STXBP5L: variants seen among roughly 807,000 people sequenced by gnomAD.
The protein encoded by STXBP5L is syntaxin binding protein 5L.
Under a neutral mutation model 144.5 loss-of-function variants are expected in STXBP5L, and 65 were observed. That is an observed-to-expected ratio of 0.45 (90% CI 0.37 to 0.55). The LOEUF is 0.55. Ranked by LOEUF, STXBP5L falls within the 20% of genes least tolerant of loss-of-function variation. STXBP5L has a pLI of 0.00. For synonymous variants in STXBP5L, 505 were observed against 469.6 expected (o/e 1.08, Z -0.97); for missense variants, 1,298 against 1,405.5 (o/e 0.92, Z 1.22).
At chr3:121,049,704 G>C (rs528287537) in intron 5 of STXBP5L, 3 of 154,258 alleles carry the variant, frequency 1.9e-5, no homozygotes, top group African/African-American at 7.2e-5. Context: ...GCAGGATAAG[G>C]TCTACTGGGC....
intron 9 of STXBP5L, among the ~76,000 whole-genome samples, chr3:121,180,733 G>T (rs1045493810): frequency 6.6e-6 from 1 of 152,130 alleles, no homozygotes; most frequent in East Asian, 1.9e-4. Context: ...AATTAGCTAG[G>T]CATGGTAGCT....
intron 7 of STXBP5L, among the ~76,000 whole-genome samples, chr3:121,135,597 A>C (rs938755261): frequency 2.0e-5 from 3 of 152,220 alleles, no homozygotes; most frequent in Non-Finnish European, 4.4e-5. Flanking sequence ...ACTTTACAGT[A>C]GGGTTCACAA....
chr3:121,100,676 T>C (rs1297241411), intron 5 of STXBP5L, among the ~76,000 whole-genome samples: 1 of 151,574 alleles, frequency 6.6e-6, no homozygotes, highest in Non-Finnish European at 1.5e-5. Flanking sequence ...TAACATCAAA[T>C]CTAGAGGAAG....
rs1373135012 is a variant in STXBP5L at position 121,352,210 on chromosome 3, A to G, written c.2177-26506A>G. ...ATGAACTTTAAAGTATTTTTTTCCA[A>G]TTCTGTGAAGAAAGTCATTGGTAGC... On this transcript the variant is annotated intron_variant, in intron 20 of 26. Transcript: ENST00000471454. Among the ~76,000 whole-genome samples the G allele has an allele frequency of 2.6e-5, 4 of 152,164 alleles. No homozygotes were observed. The East Asian group carries it at 5.8e-4, about 22-fold the overall frequency.
rs538965993 is a variant in STXBP5L at position 120,936,630 on chromosome 3, G to T, written c.190-18310G>T. Among the ~76,000 whole-genome samples the T allele has an allele frequency of 2.6e-3, 382 of 145,772 alleles. 1 individual carries two copies. The highest frequency in any genetic ancestry group is 4.7e-3 in the Non-Finnish European group (315 of 66,456). ...CTGATACATGCAGGTTTTTTTTTTT[G>T]ACAGAGTCTCGCTCTGTCTCCCAGG... On this transcript the variant is annotated intron_variant, in intron 2 of 26. Coordinates refer to ENST00000471454, the MANE Select transcript of STXBP5L (RefSeq NM_001308330.2).
At chr3:121,312,191 T>A (rs1224540570) in intron 19 of STXBP5L, among the ~76,000 whole-genome samples, 1 of 152,086 alleles carries the variant, frequency 6.6e-6, no homozygotes, top group Non-Finnish European at 1.5e-5. Context: ...TAAAAATTAA[T>A]TCAAGATGGA....
At chr3:121,303,935 G>A (rs971217692) in intron 19 of STXBP5L, among the ~76,000 whole-genome samples, 1 of 151,828 alleles carries the variant, frequency 6.6e-6, no homozygotes, top group African/African-American at 2.4e-5. Flanking sequence ...GTTAAATGAT[G>A]AGTTAATGGG....
intron 9 of STXBP5L, among the ~76,000 whole-genome samples, chr3:121,166,612 T>A (rs2046509756): frequency 1.3e-5 from 2 of 152,216 alleles, no homozygotes; most frequent in African/African-American, 4.8e-5. Context: ...ACTATTCTAA[T>A]GTCTGCATTT....
intron 7 of STXBP5L, among the ~76,000 whole-genome samples, chr3:121,149,648 G>C (rs1474522655): frequency 6.6e-6 from 1 of 151,686 alleles, no homozygotes; most frequent in Middle Eastern, 3.2e-3. Context: ...TCTAACTATA[G>C]AATTAATACC....
chr3:121,015,348 A>C (rs1945068479), intron 3 of STXBP5L, among the ~76,000 whole-genome samples: 1 of 152,166 alleles, frequency 6.6e-6, no homozygotes, highest in African/African-American at 2.4e-5. Context: ...TAAGATGTTG[A>C]TCAGTCTTAA....
chr3:121,069,856 T>C (rs1177780123), intron 5 of STXBP5L, among the ~76,000 whole-genome samples: 2 of 152,226 alleles, frequency 1.3e-5, no homozygotes, highest in East Asian at 3.9e-4. Flanking sequence ...AGACGATTTT[T>C]TCATTAAATA....
intron 3 of STXBP5L, among the ~76,000 whole-genome samples, chr3:121,016,618 A>T (rs188076353): frequency 1.9e-3 from 289 of 152,302 alleles, no homozygotes; most frequent in Non-Finnish European, 3.4e-3. Context: ...ACTGTGTGAC[A>T]GTTTCAAAAG....
At chr3:121,327,718 T>A (rs1271953313) in intron 20 of STXBP5L, among the ~76,000 whole-genome samples, 1 of 152,198 alleles carries the variant, frequency 6.6e-6, no homozygotes, top group Non-Finnish European at 1.5e-5. Flanking sequence ...TTCTACAGAT[T>A]TTCTTTCTTT....
intron 2 of STXBP5L, among the ~76,000 whole-genome samples, chr3:120,934,890 T>A (rs1044622218): frequency 2.6e-5 from 4 of 152,022 alleles, no homozygotes; most frequent in African/African-American, 9.7e-5. Flanking sequence ...TGTCTTTATA[T>A]TAAAGTGGGT....
intron 12 of STXBP5L, among the ~76,000 whole-genome samples, chr3:121,236,279 T>A (rs901904479): frequency 5.3e-5 from 8 of 152,142 alleles, no homozygotes; most frequent in Non-Finnish European, 8.8e-5. Flanking sequence ...TGCAAAAAAA[T>A]TTAAAAGTTT....
At chr3:121,318,317 A>C (rs1408097278) in intron 19 of STXBP5L, among the ~76,000 whole-genome samples, 158 bp from the exon 20 acceptor site, 3 of 151,992 alleles carry the variant, frequency 2.0e-5, no homozygotes, top group Admixed American at 1.3e-4. Flanking sequence ...AAAATTAATA[A>C]AAATATTTTT....
chr3:120,998,321 AC>A (rs977182462), intron 3 of STXBP5L, among the ~76,000 whole-genome samples: 34 of 152,146 alleles, frequency 2.2e-4, no homozygotes, highest in African/African-American at 7.7e-4. Flanking sequence ...ATGATTTTAT[AC>A]CCAGGAAACC....
chr3:121,122,879 A>G (rs2044533738), intron 7 of STXBP5L, among the ~76,000 whole-genome samples: 2 of 151,644 alleles, frequency 1.3e-5, no homozygotes, highest in African/African-American at 2.4e-5. Flanking sequence ...GTGGGAGGTA[A>G]TATTTCCTAC....
chr3:121,363,220 A>G (rs1166787850), intron 20 of STXBP5L, among the ~76,000 whole-genome samples: 2 of 152,270 alleles, frequency 1.3e-5, no homozygotes, highest in African/African-American at 4.8e-5. Context: ...AGGTGATACC[A>G]GCAGTCCCTT....
Sources: gnomAD v4.1 joint callset for allele counts (sites outside exome capture counted in the v4.1 genomes callset) on GRCh38, gnomAD v4.1.1 for gene constraint, MANE v1.5 for transcripts, NCBI Gene and HGNC (gene_info 2026-07-23, HGNC 2026-07-21) for gene names.